EPHB1: variants seen among roughly 807,000 people sequenced by gnomAD.
EPHB1 encodes the protein EPH receptor B1.
Under a neutral mutation model 94.4 loss-of-function variants are expected in EPHB1, and 30 were observed. That is an observed-to-expected ratio of 0.32 (90% CI 0.24 to 0.43). The LOEUF (loss-of-function observed/expected upper bound fraction) is 0.43. Among genes scored for constraint, EPHB1 ranks in the 20% least tolerant of loss-of-function variants. The pLI is 1.00. For missense variants in EPHB1, 1,055 were observed against 1,308.3 expected, an observed-to-expected ratio of 0.81 and a Z score of 2.99; for synonymous variants, 522 against 489.1, an observed-to-expected ratio of 1.07 and a Z score of -0.89.
intron 2 of EPHB1, among the ~76,000 whole-genome samples, chr3:134,950,043 C>A (rs1283823270): frequency 2.6e-5 from 4 of 152,142 alleles, no homozygotes; most frequent in African/African-American, 9.7e-5. Context: ...TTCTTACTAG[C>A]TTCTCTCATA....
At chr3:135,131,524 G>A (rs1397212374) in intron 4 of EPHB1, among the ~76,000 whole-genome samples, 3 of 152,096 alleles carry the variant, frequency 2.0e-5, no homozygotes, top group Admixed American at 6.5e-5. Context: ...GGGGGCTTCC[G>A]GGCAGGATTC....
chr3:135,102,418 C>G (rs1375577602), intron 3 of EPHB1, among the ~76,000 whole-genome samples: 1 of 152,182 alleles, frequency 6.6e-6, no homozygotes, highest in African/African-American at 2.4e-5. Context: ...GCTGCTTTTT[C>G]TCAAGTGACA....
chr3:135,038,340 G>A lies in EPHB1; in HGVS notation c.806-68108G>A, dbSNP rs144238999. ...GCAAAAGTAACACTTTACCCGTTCC[G>A]AGTCTTGCCTTTAACAGCATGTGCT... On this transcript the variant is annotated intron_variant, in intron 3 of 15. Transcript: ENST00000398015. Among the ~76,000 whole-genome samples the A allele has an allele frequency of 2.8e-3, 429 of 152,336 alleles. 2 individuals are homozygous for A. The highest frequency in any genetic ancestry group is 9.8e-3 in the African/African-American group (407 of 41,576).
At chr3:134,987,756 G>A (rs1044129120) in intron 3 of EPHB1, among the ~76,000 whole-genome samples, 7 of 148,892 alleles carry the variant, frequency 4.7e-5, no homozygotes, top group Non-Finnish European at 8.9e-5. Context: ...GGGTGACAGT[G>A]CAAGACTCTG....
chr3:135,068,417 T>G (rs1004084898), intron 3 of EPHB1, among the ~76,000 whole-genome samples: 1 of 152,200 alleles, frequency 6.6e-6, no homozygotes, highest in Non-Finnish European at 1.5e-5. Context: ...CCTTAGTTAT[T>G]AATGATGTTG....
intron 3 of EPHB1, among the ~76,000 whole-genome samples, chr3:135,053,406 A>C (rs1055882196): frequency 6.6e-6 from 1 of 152,100 alleles, no homozygotes; most frequent in East Asian, 1.9e-4. Flanking sequence ...CCATAAGAAA[A>C]ATTGGAAACT....
chr3:135,118,980 C>T (rs779789137), intron 4 of EPHB1, among the ~76,000 whole-genome samples: 49 of 152,206 alleles, frequency 3.2e-4, no homozygotes, highest in Non-Finnish European at 6.0e-4. Context: ...TTCCCAGAGG[C>T]CTTGGCCAGT....
chr3:134,914,983 G>A (rs987291836), intron 1 of EPHB1, among the ~76,000 whole-genome samples: 1 of 152,134 alleles, frequency 6.6e-6, no homozygotes, highest in African/African-American at 2.4e-5. Flanking sequence ...GAAGGGTAGA[G>A]AGTGGACCTT....
intron 15 of EPHB1, among the ~76,000 whole-genome samples, chr3:135,257,361 G>A (rs897559355): frequency 6.6e-5 from 10 of 151,884 alleles, no homozygotes; most frequent in Non-Finnish European, 1.2e-4. Flanking sequence ...TCTACTTTTG[G>A]TCTTTGATGA....
At chr3:134,818,104 A>C (rs2036304061) in intron 1 of EPHB1, among the ~76,000 whole-genome samples, 1 of 152,218 alleles carries the variant, frequency 6.6e-6, no homozygotes, top group Non-Finnish European at 1.5e-5. Flanking sequence ...GAGGGAAGGC[A>C]TGTCCAGGTA....
intron 1 of EPHB1, among the ~76,000 whole-genome samples, chr3:134,864,082 G>A (rs1272071731): frequency 6.6e-6 from 1 of 152,150 alleles, no homozygotes; most frequent in East Asian, 1.9e-4. Flanking sequence ...TGTCCTCTAA[G>A]AACAACAGAG....
intron 3 of EPHB1, among the ~76,000 whole-genome samples, chr3:135,086,640 T>C (rs1162269494): frequency 6.6e-6 from 1 of 151,972 alleles, no homozygotes; most frequent in Non-Finnish European, 1.5e-5. Flanking sequence ...CCTGCATCAG[T>C]TGTCATCTCC....
chr3:135,103,809 A>G (rs1285773367), intron 3 of EPHB1, among the ~76,000 whole-genome samples: 5 of 152,064 alleles, frequency 3.3e-5, no homozygotes, highest in Admixed American at 6.6e-5. Flanking sequence ...CCTGATGTCC[A>G]GCTTGGACCT....
chr3:135,166,162 G>C, intron 8 of EPHB1, 86 bp downstream of exon 8: 1 of 935,484 alleles, frequency 1.1e-6, no homozygotes, highest in Non-Finnish European at 1.7e-6. Context: ...GATCAGATAG[G>C]GTGTGACCAT....
intron 1 of EPHB1, among the ~76,000 whole-genome samples, chr3:134,803,078 G>A (rs1170941482): frequency 1.3e-5 from 2 of 152,204 alleles, no homozygotes; most frequent in Non-Finnish European, 2.9e-5. Context: ...AGCTGCTTAA[G>A]GAGGGTGCTC....
At chr3:134,972,355 A>G (rs1319709746) in intron 3 of EPHB1, among the ~76,000 whole-genome samples, 1 of 143,156 alleles carries the variant, frequency 7.0e-6, no homozygotes. Flanking sequence ...TATCTATATC[A>G]TACGTGTTTA....
At chr3:135,157,125 A>G (rs188101834) in intron 6 of EPHB1, among the ~76,000 whole-genome samples, 3 of 152,242 alleles carry the variant, frequency 2.0e-5, no homozygotes, top group South Asian at 4.1e-4. Context: ...AAAGAAGTTA[A>G]TAAAACAAAA....
chr3:134,964,390 C>T (rs551005593), intron 3 of EPHB1, among the ~76,000 whole-genome samples: 11 of 152,132 alleles, frequency 7.2e-5, no homozygotes, highest in South Asian at 2.1e-4. Context: ...CAAGCCCATA[C>T]GTTATGAAAC....
chr3:135,255,702 G>T (rs541459448), intron 15 of EPHB1, among the ~76,000 whole-genome samples: 6 of 151,446 alleles, frequency 4.0e-5, no homozygotes, highest in Admixed American at 3.9e-4. Context: ...CTGTTGACTT[G>T]GGGTGGAGAG....
Sources: allele counts gnomAD v4.1 joint callset (sites outside exome capture counted in the v4.1 genomes callset), GRCh38; gene constraint gnomAD v4.1.1; transcripts MANE v1.5; gene names NCBI Gene and HGNC (gene_info 2026-07-23, HGNC 2026-07-21).